The following RASA3 variants were observed in gnomAD, a reference collection of about 807,000 sequenced individuals.
RASA3 encodes the protein ras GTPase-activating protein 3.
In RASA3, 73 loss-of-function variants were observed where a neutral mutation model predicts 110.0. The ratio of observed to expected loss-of-function variants is 0.66; its 90% CI spans 0.55 to 0.81. The LOEUF is 0.81. Ranked by LOEUF, RASA3 falls within the 30% of genes least tolerant of loss-of-function variation. RASA3 has a pLI of 0.00. For missense variants in RASA3, 976 were observed against 1,113.2 expected, an observed-to-expected ratio of 0.88 and a Z score of 1.75; for synonymous variants, 500 against 451.4, an observed-to-expected ratio of 1.11 and a Z score of -1.37.
chr13:114,011,138 C>T lies in RASA3; in HGVS notation c.1590+33G>A, dbSNP rs200757221. The T allele has an allele frequency of 4.8e-5, 74 of 1,551,402 alleles. No individual in the cohort carries two copies. The highest frequency in any genetic ancestry group is 6.0e-5 in the Non-Finnish European group (68 of 1,125,942). ...TGAAGAGAGAAAAGAATCAGTTGTC[C>T]CTAAAAAGAGAAAATGAAGAAGAGG... On this transcript the variant is annotated intron_variant, in intron 16 of 23. Transcript: ENST00000334062. This position sits in a 1 kb window ranked among gnomAD's most constrained non-coding sequence, Gnocchi z 4.8.
At chr13:114,081,453 G>A (rs767111138) in intron 1 of RASA3, among the ~76,000 whole-genome samples, 7 of 152,212 alleles carry the variant, frequency 4.6e-5, no homozygotes, top group African/African-American at 1.2e-4. Flanking sequence ...ATGCACTCTC[G>A]TGGTTCTGAC....
At chr13:114,052,732 GATCCCC>G (rs2079167957) in intron 2 of RASA3, among the ~76,000 whole-genome samples, 2 of 142,462 alleles carry the variant, frequency 1.4e-5, no homozygotes, top group Non-Finnish European at 3.0e-5. Context: ...CTGGGGGAGA[GATCCCC>G]GCTGCTGACT....
At chr13:113,995,446 C>T (rs1284888137) in intron 21 of RASA3, among the ~76,000 whole-genome samples, 1 of 152,266 alleles carries the variant, frequency 6.6e-6, no homozygotes, top group African/African-American at 2.4e-5. Context: ...CAGCTCATCC[C>T]CTGCAGGGCC....
At chr13:113,993,227 G>A (rs1450996244) in intron 21 of RASA3, among the ~76,000 whole-genome samples, 1 of 152,108 alleles carries the variant, frequency 6.6e-6, no homozygotes, top group Non-Finnish European at 1.5e-5. Flanking sequence ...TCAGGCTGGA[G>A]CGCGGTGGCA....
Position 114,048,038 on chromosome 13 carries a change from G to A in RASA3, c.277+4014C>T, listed in dbSNP as rs563215405. Among the ~76,000 whole-genome samples the A allele has an allele frequency of 1.3e-5, 2 of 152,340 alleles. No individual in the cohort carries two copies. The highest frequency in any genetic ancestry group is 1.9e-4 in the East Asian group (1 of 5,182). On this transcript the variant is annotated intron_variant, in intron 3 of 23. Transcript: ENST00000334062. This position sits in a 1 kb window ranked among gnomAD's most constrained non-coding sequence, Gnocchi z 4.3. ...TACACAAAGAACGGAGGTCTCGGCC[G>A]GGCGCGGTGGCTCACGCCTGTAATC...
At chr13:113,997,849 G>A (rs1247030036) in intron 20 of RASA3, among the ~76,000 whole-genome samples, 2 of 152,126 alleles carry the variant, frequency 1.3e-5, no homozygotes, top group Non-Finnish European at 2.9e-5. Context: ...GTGAACAGCT[G>A]AGGTCTTATT....
At chr13:114,042,061 C>T (rs775671603) in intron 3 of RASA3, among the ~76,000 whole-genome samples, 2 of 152,246 alleles carry the variant, frequency 1.3e-5, no homozygotes, top group East Asian at 1.9e-4. Context: ...TATATTTGTA[C>T]AATATACGTT....
chr13:114,097,814 T>C, intron 1 of RASA3, among the ~76,000 whole-genome samples: 1 of 152,122 alleles, frequency 6.6e-6, no homozygotes, highest in Non-Finnish European at 1.5e-5. Context: ...GGACGCAGCC[T>C]ATGCGGAGTG....
chr13:114,117,544 GA>G, intron 1 of RASA3, among the ~76,000 whole-genome samples: 1 of 148,934 alleles, frequency 6.7e-6, no homozygotes, highest in South Asian at 2.2e-4. Flanking sequence ...GCACATGTGT[GA>G]GGGGAGCACG....
intron 16 of RASA3, among the ~76,000 whole-genome samples, chr13:114,009,849 C>T (rs2053594476): frequency 6.6e-6 from 1 of 152,248 alleles, no homozygotes; most frequent in South Asian, 2.1e-4. Context: ...GCCCATCTCT[C>T]GCCCGTGGGG....
chr13:114,077,560 C>G (rs1370440285), intron 1 of RASA3, among the ~76,000 whole-genome samples: 2 of 145,994 alleles, frequency 1.4e-5, no homozygotes, highest in African/African-American at 5.1e-5. Context: ...GATGCCCAGT[C>G]CCACCGCACT....
At chr13:114,116,727 T>C (rs1312361608) in intron 1 of RASA3, among the ~76,000 whole-genome samples, 1 of 152,128 alleles carries the variant, frequency 6.6e-6, no homozygotes, top group African/African-American at 2.4e-5. Context: ...TCTGCATCAG[T>C]GTGGGTGAGC....
At chr13:114,032,798 C>T (rs1476769273) in intron 4 of RASA3, among the ~76,000 whole-genome samples, 2 of 94,838 alleles carry the variant, frequency 2.1e-5, no homozygotes, top group Admixed American at 1.1e-4. Flanking sequence ...CCACGCCCCA[C>T]GGCACCCCCA....
chr13:114,043,099 G>A (rs1439048741), intron 3 of RASA3, among the ~76,000 whole-genome samples: 1 of 152,066 alleles, frequency 6.6e-6, no homozygotes, highest in Non-Finnish European at 1.5e-5. Flanking sequence ...AGAGCCCGTG[G>A]GCCTGGGCCA....
intron 4 of RASA3, among the ~76,000 whole-genome samples, chr13:114,039,307 G>C (rs530115205): frequency 5.4e-4 from 79 of 145,106 alleles, no homozygotes; most frequent in Non-Finnish European, 3.4e-4. Flanking sequence ...TGAGGACCCA[G>C]GAAGCCCTCC....
At chr13:114,077,519 C>T (rs1231199996) in intron 1 of RASA3, among the ~76,000 whole-genome samples, 1 of 141,260 alleles carries the variant, frequency 7.1e-6, no homozygotes, top group African/African-American at 2.7e-5. Flanking sequence ...GGCACCAACG[C>T]ACCGGATTCA....
In RASA3 at chr13:114,007,370, G is replaced by A. The variant is rs35403405; in HGVS notation, c.1742+163C>T. The stretch of plus-strand genomic sequence containing the variant: ...TCTCCCCCCTCCTGCCCTGCCGGAC[G>A]CCACCTTACCCTTCTCCCCTCCTGC... On this transcript the variant is annotated intron_variant, in intron 18 of 23. Transcript: ENST00000334062. Among the ~76,000 whole-genome samples, 24 of 32,622 alleles carry A rather than the reference G, an allele frequency of 7.4e-4. 1 individual carries two copies. The highest frequency in any genetic ancestry group is 3.3e-3 in the African/African-American group (19 of 5,798). 21.4% of individuals were successfully genotyped at this position (32,622 alleles called of 152,430 possible). A position where few individuals can be genotyped will look rare whatever the true frequency, so the allele number is the denominator to read the frequency against.
intron 4 of RASA3, 81 bp downstream of exon 4, chr13:114,040,919 G>A: frequency 2.3e-6 from 3 of 1,326,632 alleles, no homozygotes; most frequent in South Asian, 2.4e-5. Flanking sequence ...TACGTCTTTA[G>A]CCACAGTCGG....
In RASA3 at chr13:114,096,188, G is replaced by A. The variant is rs1353468787; in HGVS notation, c.56-22351C>T. Among the ~76,000 whole-genome samples the A allele has an allele frequency of 1.3e-5, 2 of 152,174 alleles. No individual in the cohort carries two copies. The highest frequency in any genetic ancestry group is 2.9e-5 in the Non-Finnish European group (2 of 68,032). On this transcript the variant is annotated intron_variant, in intron 1 of 23. Transcript: ENST00000334062. This position sits in a 1 kb window ranked among gnomAD's most constrained non-coding sequence, Gnocchi z 5.1. ...GGGGTGCTCTCCAGGTGGCCCTGGCGGCATCGGTGTGCTGGGAAGGGAGTG... is the reference window on the plus strand; with the variant it reads ...GGGGTGCTCTCCAGGTGGCCCTGGCAGCATCGGTGTGCTGGGAAGGGAGTG...
Sources: allele counts gnomAD v4.1 joint callset (sites outside exome capture counted in the v4.1 genomes callset), GRCh38; gene constraint gnomAD v4.1.1; non-coding constraint Gnocchi (gnomAD v3.1); transcripts MANE v1.5; gene names NCBI Gene and HGNC (gene_info 2026-07-23, HGNC 2026-07-21).